Variants in FRMPD2 observed in about 807,000 individuals in gnomAD.
The protein encoded by FRMPD2 is FERM and PDZ domain-containing protein 2.
In FRMPD2, 96 loss-of-function variants were observed where a neutral mutation model predicts 140.1. That is an observed-to-expected ratio of 0.69 (90% CI 0.58 to 0.81). The LOEUF (loss-of-function observed/expected upper bound fraction) is 0.81. FRMPD2 is among the 40% of genes least tolerant of loss of function. The pLI is 0.00. For missense variants in FRMPD2, 1,240 were observed against 1,447.4 expected (o/e 0.86, Z 2.32); for synonymous variants, 449 against 547.6 (o/e 0.82, Z 2.52).
chr10:48,212,576 G>T lies in FRMPD2; in HGVS notation c.1456-467C>A, dbSNP rs567140348. ...AACCCTGGCCCTAAAACTCTATGTT[G>T]TTTTTTTTTTAATTCATTTAGCATT... is the stretch of plus-strand genomic sequence containing the variant. On this transcript the variant is annotated intron_variant, in intron 12 of 28. Transcript: ENST00000374201. 2.8e-4 allele frequency among the ~76,000 whole-genome samples: 42 copies of T among 150,468 alleles called. No homozygotes were observed. In the South Asian group the frequency reaches 8.1e-3, roughly 29 times the overall value.
At chr10:48,265,245 C>T (rs911962908) in intron 1 of FRMPD2, among the ~76,000 whole-genome samples, 2 of 151,950 alleles carry the variant, frequency 1.3e-5, no homozygotes, top group Admixed American at 1.3e-4. Flanking sequence ...ATGTAAGACC[C>T]AGAACTATAA....
rs1840388499 is a variant in FRMPD2, at chr10:48,251,732, C to G, written c.26-41G>C. 3 of 1,610,028 alleles carry G rather than the reference C, an allele frequency of 1.9e-6. No individual in the cohort carries two copies. In the Admixed American group the frequency reaches 5.0e-5, roughly 27 times the overall value. On this transcript the variant is annotated intron_variant, in intron 1 of 28. Transcript: ENST00000374201. ...GCATGTGACAGGGCCTCTGCAATGTCCAGGAACATGTCCGGGCCCGTACTC... is the reference window on the plus strand; with the variant it reads ...GCATGTGACAGGGCCTCTGCAATGTGCAGGAACATGTCCGGGCCCGTACTC...
chr10:48,225,596 T>C lies in FRMPD2; in HGVS notation c.1169-2326A>G, dbSNP rs548848964. Among the ~76,000 whole-genome samples, 3 of 152,368 alleles carry C rather than the reference T, an allele frequency of 2.0e-5. No individual in the cohort carries two copies. The East Asian group carries it at 5.8e-4, about 29-fold the overall frequency. On this transcript the variant is annotated intron_variant, in intron 10 of 28. Coordinates refer to ENST00000374201, the MANE Select transcript of FRMPD2 (RefSeq NM_001018071.4). The stretch of plus-strand genomic sequence containing the variant: ...CCCCCAGCCTCCTGGGATGCACCTG[T>C]AGTCCTCTAGAACATGCATATCCCG...
chr10:48,201,218 T>C lies in FRMPD2; in HGVS notation c.1954+10A>G, dbSNP rs1254949590. The stretch of plus-strand genomic sequence containing the variant: ...TCAAAGTGTATATGGAGAATACAGC[T>C]TCTACTCACCAAATAAAACATGGGA... On this transcript the variant is annotated intron_variant, in intron 15 of 28. Transcript: ENST00000374201. 1.3e-6 allele frequency: 2 copies of C among 1,598,360 alleles called. No homozygotes were observed. The highest frequency in any genetic ancestry group is 1.7e-6 in the Non-Finnish European group (2 of 1,171,820).
chr10:48,251,232 C>T (rs1486407145), intron 2 of FRMPD2, among the ~76,000 whole-genome samples: 1 of 152,188 alleles, frequency 6.6e-6, no homozygotes, highest in Non-Finnish European at 1.5e-5. Context: ...CTGTTAGACA[C>T]CCATAGCACT....
Position 48,192,624 on chromosome 10 carries a change from C to T in FRMPD2, c.2165+60G>A, listed in dbSNP as rs80329038. On this transcript the variant is annotated intron_variant, in intron 16 of 28. Transcript: ENST00000374201. ...AATAAAATAAATCTTCAGTACAGAT[C>T]ACTGCAAACCATCAAGCACATGGTG... The T allele has an allele frequency of 3.4e-3, 4,707 of 1,390,816 alleles. 127 individuals are homozygous for T. The African/African-American group carries it at 0.056, about 16-fold the overall frequency. The allele number at this position is 1,390,816 out of a possible 1,614,324, so 86.2% of individuals were successfully genotyped here.
chr10:48,201,238 A>T lies in FRMPD2; in HGVS notation c.1944T>A (p.His648Gln). The T allele has an allele frequency of 1.9e-6, 3 of 1,605,834 alleles. No homozygotes were observed. Among genetic ancestry groups the T allele is most frequent in the Non-Finnish European group, 1.7e-6 (2 of 1,176,010 alleles). The change falls in exon 15 of 29, where the codon CAT becomes CAA. Residue 648 changes from histidine to glutamine, a missense_variant. Coordinates refer to ENST00000374201, the MANE Select transcript of FRMPD2 (RefSeq NM_001018071.4). ...ACAGCTTCTACTCACCAAATAAAAC[A>T]TGGGAAGGCTGCCCAGAGCCCATCT... ...NAQMGSGQPS[H>Q]VLFDHDKFVQ...
intron 28 of FRMPD2, among the ~76,000 whole-genome samples, chr10:48,162,266 C>T (rs1291145388): frequency 7.8e-6 from 1 of 127,842 alleles, no homozygotes; most frequent in Non-Finnish European, 1.6e-5. Flanking sequence ...AACCAGTTAG[C>T]TTTTGTTTGG....
chr10:48,199,273 C>A (rs949877093), intron 15 of FRMPD2, among the ~76,000 whole-genome samples: 191 of 119,418 alleles, frequency 1.6e-3, no homozygotes, highest in South Asian at 1.5e-3. Flanking sequence ...TGAGTTCAGG[C>A]AAAAAAAAAA....
At chr10:48,269,832 G>A (rs1259058087) in intron 1 of FRMPD2, among the ~76,000 whole-genome samples, 1 of 152,214 alleles carries the variant, frequency 6.6e-6, no homozygotes, top group Non-Finnish European at 1.5e-5. Flanking sequence ...GGAAATGGGA[G>A]ACAGCCAAGG....
chr10:48,189,805 C>A (rs1437821196), intron 16 of FRMPD2, among the ~76,000 whole-genome samples: 1 of 152,214 alleles, frequency 6.6e-6, no homozygotes, highest in Non-Finnish European at 1.5e-5. Flanking sequence ...CCCTGGTGCC[C>A]TTGCTTGGAA....
Position 48,251,660 on chromosome 10 carries a change from G to A in FRMPD2, c.57C>T (p.Ser19=), listed in dbSNP as rs769171306. ...GMSLSSVTLA[S]ALQVRGEALS... ...GAGCTTCACCCCTGACCTGTAGGGC[G>A]CTGGCCAGCGTCACAGAGGACAGGC... is the stretch of plus-strand genomic sequence containing the variant. Residue 19 remains serine, a synonymous_variant, in exon 2 of 29, where the codon AGC becomes AGT. Transcript: ENST00000374201. The A allele has an allele frequency of 2.4e-5, 38 of 1,614,076 alleles. No individual in the cohort carries two copies. The East Asian group carries it at 4.5e-4, about 19-fold the overall frequency.
intron 1 of FRMPD2, among the ~76,000 whole-genome samples, chr10:48,266,163 G>A (rs965335971): frequency 7.2e-5 from 11 of 152,132 alleles, no homozygotes; most frequent in African/African-American, 2.7e-4. Context: ...GGAGCTAAAT[G>A]ATGAGAACAT....
Position 48,238,102 on chromosome 10 carries a change from G to T in FRMPD2, c.810C>A (p.Pro270=), listed in dbSNP as rs776043610. The change falls in exon 8 of 29, where the codon CCC becomes CCA. Residue 270 remains proline (P), a synonymous_variant. Transcript: ENST00000374201. ...GCCTCCGGCCCGCCTGCTGGTCCTG[G>T]GGATCTGCTCCTGGAAGAGCGCTGG... ...LVNRALPGAD[P]QDQQAGRRLS... 4.3e-5 allele frequency: 69 copies of T among 1,612,280 alleles called. No individual in the cohort carries two copies. Among genetic ancestry groups the T allele is most frequent in the Non-Finnish European group, 5.6e-5 (66 of 1,180,040 alleles).
At chr10:48,175,999 C>T in intron 22 of FRMPD2, 60 bp from the exon 23 acceptor site, 3 of 1,099,748 alleles carry the variant, frequency 2.7e-6, no homozygotes, top group Non-Finnish European at 2.8e-6. Context: ...GCCTCCCCAA[C>T]CTCCCCAGCT....
chr10:48,211,760 C>T (rs1483847414), intron 13 of FRMPD2, among the ~76,000 whole-genome samples, 194 bp downstream of exon 13: 1 of 152,156 alleles, frequency 6.6e-6, no homozygotes, highest in Non-Finnish European at 1.5e-5. Context: ...ATCCTACCCT[C>T]TTTGGGGTCA....
In FRMPD2 at chr10:48,178,596, T is replaced by G. The variant is rs535640823; in HGVS notation, c.2791-445A>C. Among the ~76,000 whole-genome samples, 88 of 152,264 alleles carry G rather than the reference T, an allele frequency of 5.8e-4. 1 individual carries two copies. Among genetic ancestry groups the G allele is most frequent in the African/African-American group, 2.0e-3 (83 of 41,538 alleles). The stretch of plus-strand genomic sequence containing the variant: ...TGAAGTGAGAATCTAAAGTCCACCA[T>G]ACCACAGAGGATCATCTGGCCACAA... On this transcript the variant is annotated intron_variant, in intron 21 of 28. Transcript: ENST00000374201.
chr10:48,269,189 G>A (rs1292288319), intron 1 of FRMPD2, among the ~76,000 whole-genome samples: 2 of 152,040 alleles, frequency 1.3e-5, no homozygotes, highest in Non-Finnish European at 2.9e-5. Context: ...TTATCAAGAG[G>A]GTCAAAAATT....
At chr10:48,262,634 G>C (rs1840613629) in intron 1 of FRMPD2, among the ~76,000 whole-genome samples, 1 of 152,118 alleles carries the variant, frequency 6.6e-6, no homozygotes. Flanking sequence ...CACTGCCAAA[G>C]AACTGGATCT....
Sources: allele counts gnomAD v4.1 joint callset (sites outside exome capture counted in the v4.1 genomes callset), GRCh38; gene constraint gnomAD v4.1.1; transcripts MANE v1.5; gene names NCBI Gene and HGNC (gene_info 2026-07-23, HGNC 2026-07-21).